Variants in HS3ST4 observed in about 807,000 individuals in gnomAD.
HS3ST4 encodes the protein heparan sulfate-glucosamine 3-sulfotransferase 4.
HS3ST4 carries 17 observed loss-of-function variants against 29.2 expected under a neutral mutation model. The ratio of observed to expected loss-of-function variants is 0.58; its 90% CI spans 0.40 to 0.87. The LOEUF (loss-of-function observed/expected upper bound fraction) is 0.87, where lower values mean the gene tolerates loss of function less well. Ranked by LOEUF, HS3ST4 falls within the 40% of genes least tolerant of loss-of-function variation. The pLI, the probability that HS3ST4 is intolerant of heterozygous loss-of-function variation, is 0.00. For synonymous variants in HS3ST4, 314 were observed against 285.7 expected (o/e 1.10, Z -1.00); for missense variants, 627 against 634.5 (o/e 0.99, Z 0.13).
chr16:26,111,177 T>C (rs1899124165), intron 1 of HS3ST4, among the ~76,000 whole-genome samples: 1 of 151,952 alleles, frequency 6.6e-6, no homozygotes, highest in African/African-American at 2.4e-5. Context: ...ATCCTCCCAC[T>C]TGATCTTCCT....
At chr16:25,941,273 A>G (rs934131145) in intron 1 of HS3ST4, among the ~76,000 whole-genome samples, 1 of 152,002 alleles carries the variant, frequency 6.6e-6, no homozygotes. Context: ...TCAAGCATTT[A>G]TCCTGCCTCC....
rs180805759 is a variant in HS3ST4, at chr16:26,033,729, C to T, written c.735-101883C>T. On this transcript the variant is annotated intron_variant, in intron 1 of 1. Transcript: ENST00000331351. ...AGAGCGAGACCTTGAGAAAGAAAGA[C>T]GGACAGAAAGACAGAAAGAAGGGAA... is the stretch of plus-strand genomic sequence containing the variant. 2.4e-3 allele frequency among the ~76,000 whole-genome samples: 367 copies of T among 151,782 alleles called. 2 individuals are homozygous for T. Among genetic ancestry groups the T allele is most frequent in the Middle Eastern group, 0.014 (4 of 294 alleles).
chr16:25,750,946 G>A (rs868346213), intron 1 of HS3ST4, among the ~76,000 whole-genome samples: 5 of 152,118 alleles, frequency 3.3e-5, no homozygotes, highest in Admixed American at 2.6e-4. Context: ...TTGTTGTTAT[G>A]TTTGAAAACT....
chr16:25,947,711 A>G (rs1468117571), intron 1 of HS3ST4, among the ~76,000 whole-genome samples: 1 of 152,134 alleles, frequency 6.6e-6, no homozygotes, highest in African/African-American at 2.4e-5. Flanking sequence ...GAGAGGAAGG[A>G]TGGAAGAATT....
intron 1 of HS3ST4, among the ~76,000 whole-genome samples, chr16:25,693,481 A>T (rs552441014): frequency 6.6e-6 from 1 of 152,246 alleles, no homozygotes; most frequent in East Asian, 1.9e-4. Context: ...TTCCGAAACC[A>T]GGCTCTTGCG....
chr16:26,010,460 AG>A (rs1203742182), intron 1 of HS3ST4, among the ~76,000 whole-genome samples: 4 of 151,420 alleles, frequency 2.6e-5, no homozygotes, highest in Non-Finnish European at 4.4e-5. Context: ...TCTCAAAAAA[AG>A]AAAAAAAAGG....
chr16:25,844,844 T>C (rs1292511141), intron 1 of HS3ST4, among the ~76,000 whole-genome samples: 1 of 152,170 alleles, frequency 6.6e-6, no homozygotes, highest in Non-Finnish European at 1.5e-5. Context: ...AATGTACATA[T>C]ACACCAGGGA....
At chr16:25,765,129 G>C (rs1966809681) in intron 1 of HS3ST4, among the ~76,000 whole-genome samples, 2 of 152,228 alleles carry the variant, frequency 1.3e-5, no homozygotes, top group African/African-American at 4.8e-5. Context: ...AAATAGCAGA[G>C]AGCAAGACCA....
chr16:25,706,389 A>G (rs1044296136), intron 1 of HS3ST4, among the ~76,000 whole-genome samples: 3 of 151,948 alleles, frequency 2.0e-5, no homozygotes, highest in South Asian at 4.2e-4. Flanking sequence ...CTTTTTTAAT[A>G]TATATATTTT....
chr16:25,829,231 T>C (rs1967269469), intron 1 of HS3ST4, among the ~76,000 whole-genome samples: 1 of 152,144 alleles, frequency 6.6e-6, no homozygotes, highest in Non-Finnish European at 1.5e-5. Context: ...AATAAGAATT[T>C]ACTGTATGAA....
chr16:25,922,186 A>C (rs1397164731), intron 1 of HS3ST4, among the ~76,000 whole-genome samples: 1 of 152,086 alleles, frequency 6.6e-6, no homozygotes, highest in Non-Finnish European at 1.5e-5. Flanking sequence ...CTATGGTCTG[A>C]AAATTGTATC....
intron 1 of HS3ST4, among the ~76,000 whole-genome samples, chr16:25,714,559 T>C (rs985195925): frequency 5.0e-4 from 76 of 152,250 alleles, no homozygotes; most frequent in Non-Finnish European, 4.1e-4. Flanking sequence ...GATGCAGAAC[T>C]TGTCCACAGT....
At chr16:26,069,374 C>T (rs1036462264) in intron 1 of HS3ST4, among the ~76,000 whole-genome samples, 8 of 152,160 alleles carry the variant, frequency 5.3e-5, no homozygotes, top group African/African-American at 1.2e-4. Context: ...TGGAAGTGAT[C>T]ACTTACCAGT....
At chr16:25,746,916 A>G (rs900912905) in intron 1 of HS3ST4, among the ~76,000 whole-genome samples, 2 of 151,236 alleles carry the variant, frequency 1.3e-5, no homozygotes, top group Non-Finnish European at 2.9e-5. Context: ...TGGCATAATC[A>G]TAGCTCACTG....
intron 1 of HS3ST4, among the ~76,000 whole-genome samples, chr16:26,019,657 C>A (rs1596646467): frequency 6.6e-6 from 1 of 152,056 alleles, no homozygotes; most frequent in East Asian, 1.9e-4. Context: ...AACACCACTT[C>A]TTATCAAAAC....
chr16:26,058,881 C>T (rs1293682124), intron 1 of HS3ST4, among the ~76,000 whole-genome samples: 1 of 152,110 alleles, frequency 6.6e-6, no homozygotes, highest in Non-Finnish European at 1.5e-5. Flanking sequence ...TCCTGACGAT[C>T]AGTTCAAATA....
At chr16:26,066,974 T>C (rs1039372735) in intron 1 of HS3ST4, among the ~76,000 whole-genome samples, 2 of 152,178 alleles carry the variant, frequency 1.3e-5, no homozygotes, top group Non-Finnish European at 2.9e-5. Flanking sequence ...GGAACAGGAC[T>C]GCAGATACAG....
intron 1 of HS3ST4, among the ~76,000 whole-genome samples, chr16:25,764,982 A>G (rs1966808785): frequency 6.6e-6 from 1 of 152,224 alleles, no homozygotes; most frequent in South Asian, 2.1e-4. Context: ...TTAGACATAA[A>G]AGAAGAGAAA....
intron 1 of HS3ST4, among the ~76,000 whole-genome samples, chr16:26,040,810 T>C (rs1969630822): frequency 6.6e-6 from 1 of 152,168 alleles, no homozygotes; most frequent in African/African-American, 2.4e-5. Flanking sequence ...TATTCATTTA[T>C]ACTTCCTGTA....
Sources: gnomAD v4.1 joint callset for allele counts (sites outside exome capture counted in the v4.1 genomes callset) on GRCh38, gnomAD v4.1.1 for gene constraint, MANE v1.5 for transcripts, NCBI Gene and HGNC (gene_info 2026-07-23, HGNC 2026-07-21) for gene names.